HYLS1: variants seen among roughly 807,000 people sequenced by gnomAD.
HYLS1 encodes the protein centriolar and ciliogenesis-associated protein HYLS1.
In HYLS1, 25 loss-of-function variants were observed where a neutral mutation model predicts 29.4. The observed-to-expected ratio is 0.85, with a 90% CI of 0.62 to 1.19. HYLS1 has a LOEUF of 1.19. Ranked by LOEUF, HYLS1 falls within the 50% of genes most tolerant of loss-of-function variation. The probability of loss-of-function intolerance (pLI) is 0.00; values close to 1 mark genes in which losing one functional copy is unlikely to be tolerated. For missense variants in HYLS1, 352 were observed against 365.1 expected, an observed-to-expected ratio of 0.96 and a Z score of 0.29; for synonymous variants, 128 against 126.7, an observed-to-expected ratio of 1.01 and a Z score of -0.07.
chr11:125,886,478 G>A (rs1411366298), upstream of HYLS1, among the ~76,000 whole-genome samples: 1 of 151,900 alleles, frequency 6.6e-6, no homozygotes, highest in African/African-American at 2.4e-5. Flanking sequence ...GACCAGTTGA[G>A]ATAGGTTTGC....
Position 125,899,649 on chromosome 11 carries a change from TGAA to T in HYLS1, c.284_286del (p.Lys95del). ...TCCCAAAGACTCCGAAAGCCAGTGATGAAGAGAAAGGTGCTGCGCAGAAAGCCA... is the reference window on the plus strand; with the variant it reads ...TCCCAAAGACTCCGAAAGCCAGTGATGAGAAAGGTGCTGCGCAGAAAGCCA... On this transcript the variant is annotated inframe_deletion, in exon 3 of 3. Coordinates refer to ENST00000425380, the MANE Select transcript of HYLS1 (RefSeq NM_001134793.2). 1 of 1,614,152 alleles carries T rather than the reference TGAA, an allele frequency of 6.2e-7. No individual in the cohort carries two copies. The highest frequency in any genetic ancestry group is 8.5e-7 in the Non-Finnish European group (1 of 1,180,018).
At chr11:125,895,178 G>A in intron 2 of HYLS1, 1 of 1,464,698 alleles carries the variant, frequency 6.8e-7, no homozygotes, top group South Asian at 1.4e-5. Flanking sequence ...GTCCCGAGTA[G>A]CTGGGACTAC....
intron 1 of HYLS1, among the ~76,000 whole-genome samples, chr11:125,890,248 TGTTA>T (rs757412261): frequency 2.0e-5 from 3 of 152,128 alleles, no homozygotes; most frequent in Admixed American, 6.6e-5. Context: ...CCCAGCTGTT[TGTTA>T]GTTATTATTC....
At chr11:125,895,651 G>C in intron 2 of HYLS1, 2 of 1,614,210 alleles carry the variant, frequency 1.2e-6, no homozygotes, top group East Asian at 4.5e-5. Context: ...GCCAATATAC[G>C]GATGTCTGGA....
intron 2 of HYLS1, chr11:125,894,176 C>T: frequency 1.2e-6 from 2 of 1,614,038 alleles, no homozygotes; most frequent in Non-Finnish European, 1.7e-6. Flanking sequence ...ATGATTAGCC[C>T]ACAGTTGTTG....
chr11:125,899,959 C>T lies in HYLS1; in HGVS notation c.591C>T (p.Leu197=), dbSNP rs185238629. 1.2e-6 allele frequency: 2 copies of T among 1,614,202 alleles called. No individual in the cohort carries two copies. Among genetic ancestry groups the T allele is most frequent in the African/African-American group, 1.3e-5 (1 of 75,062 alleles). The change falls in exon 3 of 3, where the codon CTC becomes CTT. Residue 197 remains leucine, a synonymous_variant. Transcript: ENST00000425380. The part of the protein sequence containing the change: ...IVASRPKSFI[L]PKLDQLSRNR... ...CCAGCAGACCCAAGTCCTTTATTCT[C>T]CCAAAGCTGGACCAGTTAAGCCGAA...
intron 2 of HYLS1, among the ~76,000 whole-genome samples, chr11:125,892,274 G>A (rs1373240493): frequency 6.6e-6 from 1 of 152,068 alleles, no homozygotes; most frequent in East Asian, 1.9e-4. Flanking sequence ...TCTCTGAGGT[G>A]GCATTTGTAA....
intron 2 of HYLS1, chr11:125,895,678 G>T (rs1292258589): frequency 6.2e-7 from 1 of 1,614,080 alleles, no homozygotes; most frequent in South Asian, 1.1e-5. Flanking sequence ...ACCCGATTGA[G>T]AATGTGGGTA....
chr11:125,891,827 T>G (rs1317524784), intron 2 of HYLS1, among the ~76,000 whole-genome samples: 2 of 152,216 alleles, frequency 1.3e-5, no homozygotes, highest in East Asian at 3.8e-4. Context: ...CAGGGTCACC[T>G]CACCTTTTGT....
At position 125,899,365 on chromosome 11, in the gene HYLS1, A is replaced by T; in HGVS notation, c.-4A>T. The T allele has an allele frequency of 6.2e-7, 1 of 1,613,908 alleles. No individual in the cohort carries two copies. Among genetic ancestry groups the T allele is most frequent in the Non-Finnish European group, 8.5e-7 (1 of 1,179,784 alleles). ...GCAGAAGGTCCTACAGTGTAGGGGA[A>T]GCAATGGAAGAACTTCTACCTGATG... On this transcript the variant is annotated 5_prime_UTR_variant, in exon 3 of 3. It adds an upstream start codon to the 5' untranslated region. Coordinates refer to ENST00000425380, the MANE Select transcript of HYLS1 (RefSeq NM_001134793.2).
rs767512708 is a variant in HYLS1 at position 125,899,574 on chromosome 11, A to G, written c.206A>G (p.Gln69Arg). 6.8e-6 allele frequency: 11 copies of G among 1,614,212 alleles called. No individual in the cohort carries two copies. Among genetic ancestry groups the G allele is most frequent in the South Asian group, 2.2e-5 (2 of 91,084 alleles). Residue 69 changes from glutamine to arginine, a missense_variant, in exon 3 of 3, where the codon CAG becomes CGG. Transcript: ENST00000425380. ...CGACCTGCTCTTCCTGTGCAACTAC[A>G]GTACCCACATGTAGAAAGTAATGTC... ...GKRPALPVQL[Q>R]YPHVESNVPS...
At chr11:125,886,785 C>T (rs1944312171), upstream of HYLS1, among the ~76,000 whole-genome samples, 1 of 151,598 alleles carries the variant, frequency 6.6e-6, no homozygotes, top group Non-Finnish European at 1.5e-5. Flanking sequence ...GTGGTGCTCG[C>T]CCGTAATCCC....
At chr11:125,891,994 T>G (rs538976403) in intron 2 of HYLS1, among the ~76,000 whole-genome samples, 1 of 152,298 alleles carries the variant, frequency 6.6e-6, no homozygotes, top group Non-Finnish European at 1.5e-5. Flanking sequence ...AGCTTGAGGA[T>G]AGAAAACATA....
In HYLS1 at chr11:125,900,048, G is replaced by T; in HGVS notation, c.680G>T (p.Arg227Leu). The T allele has an allele frequency of 6.2e-7, 1 of 1,614,206 alleles. No individual in the cohort carries two copies. The highest frequency in any genetic ancestry group is 1.7e-5 in the Admixed American group (1 of 60,028). Residue 227 changes from arginine to leucine, a missense_variant, in exon 3 of 3, where the codon CGT becomes CTT. Physicochemically the swap from Arg to Leu is moderately radical, Grantham distance 102. Transcript: ENST00000425380. ...FEYKRDWDSI[R>L]LPGEDHRKEL... Reference sequence around the variant, plus strand: ...TACAAACGGGACTGGGACTCAATACGTTTACCTGGTGAAGATCATAGAAAG... The same window carrying T: ...TACAAACGGGACTGGGACTCAATACTTTTACCTGGTGAAGATCATAGAAAG...
Position 125,899,962 on chromosome 11 carries a change from A to G in HYLS1, c.594A>G (p.Pro198=). The G allele has an allele frequency of 1.2e-6, 2 of 1,614,214 alleles. No homozygotes were observed. Among genetic ancestry groups the G allele is most frequent in the Non-Finnish European group, 1.7e-6 (2 of 1,180,042 alleles). The change falls in exon 3 of 3, where the codon CCA becomes CCG. Residue 198 remains proline, a synonymous_variant. Transcript: ENST00000425380. ...GCAGACCCAAGTCCTTTATTCTCCC[A>G]AAGCTGGACCAGTTAAGCCGAAACC... The part of the protein sequence containing the change: ...VASRPKSFIL[P]KLDQLSRNRG...
intron 1 of HYLS1, among the ~76,000 whole-genome samples, chr11:125,889,796 A>T (rs654092): frequency 6.6e-6 from 1 of 152,010 alleles, no homozygotes; most frequent in African/African-American, 2.4e-5. Context: ...GATTATCCCC[A>T]ACACACAGGG....
At chr11:125,886,775 G>C (rs1268598088), upstream of HYLS1, among the ~76,000 whole-genome samples, 1 of 151,708 alleles carries the variant, frequency 6.6e-6, no homozygotes, top group East Asian at 1.9e-4. Context: ...GCCGGGCATG[G>C]TGGTGCTCGC....
At chr11:125,896,063 C>T (rs779834434) in intron 2 of HYLS1, 1 of 1,614,224 alleles carries the variant, frequency 6.2e-7, no homozygotes, top group South Asian at 1.1e-5. Flanking sequence ...CCTGGTATCC[C>T]CAGCCCATAT....
Position 125,900,069 on chromosome 11 carries a change from G to C in HYLS1, c.701G>C (p.Arg234Thr), listed in dbSNP as rs1236185873. 2 of 1,614,066 alleles carry C rather than the reference G, an allele frequency of 1.2e-6. No homozygotes were observed. Among genetic ancestry groups the C allele is most frequent in the African/African-American group, 2.7e-5 (2 of 74,916 alleles). ...DSIRLPGEDH[R>T]KELRWGVREQ... ...ATACGTTTACCTGGTGAAGATCATA[G>C]AAAGGAATTACGCTGGGGTGTCCGA... Residue 234 changes from arginine (R) to threonine (T), a missense_variant, in exon 3 of 3, where the codon AGA becomes ACA. Arg to Thr is a moderately conservative substitution (Grantham distance 71). Transcript: ENST00000425380.
Sources: gnomAD v4.1 joint callset for allele counts (sites outside exome capture counted in the v4.1 genomes callset) on GRCh38, gnomAD v4.1.1 for gene constraint, MANE v1.5 for transcripts, NCBI Gene and HGNC (gene_info 2026-07-23, HGNC 2026-07-21) for gene names.